Variants in KCNIP4 observed in about 807,000 individuals in gnomAD.
KCNIP4 encodes potassium voltage-gated channel interacting protein 4, also known as Kv channel-interacting protein 4.
A neutral mutation model predicts 34.0 loss-of-function variants in KCNIP4; 12 were observed. The observed-to-expected ratio is 0.35, with a 90% CI of 0.23 to 0.57. KCNIP4 has a LOEUF of 0.57. Ranked by LOEUF, KCNIP4 falls within the 20% of genes least tolerant of loss-of-function variation. The pLI, the probability that KCNIP4 is intolerant of heterozygous loss-of-function variation, is 0.83. For missense variants in KCNIP4, 238 were observed against 311.7 expected, an observed-to-expected ratio of 0.76 and a Z score of 1.78; for synonymous variants, 124 against 102.2, an observed-to-expected ratio of 1.21 and a Z score of -1.29.
At chr4:21,354,246 G>A (rs1189420886) in intron 1 of KCNIP4, among the ~76,000 whole-genome samples, 1 of 151,918 alleles carries the variant, frequency 6.6e-6, no homozygotes, top group Non-Finnish European at 1.5e-5. Flanking sequence ...TCAATTAAGG[G>A]GCAAAATAAC....
intron 1 of KCNIP4, among the ~76,000 whole-genome samples, chr4:21,748,890 A>G (rs1396251889): frequency 1.3e-5 from 2 of 152,124 alleles, no homozygotes; most frequent in African/African-American, 4.8e-5. Context: ...ATCCAATTTG[A>G]GAAAAATGGT....
intron 1 of KCNIP4, chr4:21,697,731 A>C (rs2109057937): frequency 8.8e-7 from 1 of 1,132,560 alleles, no homozygotes; most frequent in Non-Finnish European, 1.1e-6. Context: ...ACTTGTAGTA[A>C]CCCAGCTCTG....
intron 1 of KCNIP4, among the ~76,000 whole-genome samples, chr4:21,218,277 A>G (rs1346325434): frequency 6.6e-6 from 1 of 152,002 alleles, no homozygotes. Context: ...GGCCTTCCAA[A>G]GTGCTGGGAT....
intron 1 of KCNIP4, among the ~76,000 whole-genome samples, chr4:21,443,777 C>T (rs929517391): frequency 6.6e-6 from 1 of 152,078 alleles, no homozygotes; most frequent in Non-Finnish European, 1.5e-5. Flanking sequence ...CACACATACA[C>T]ACAAGATTAG....
chr4:21,015,703 TATTA>T (rs1367663211), intron 1 of KCNIP4, among the ~76,000 whole-genome samples: 1 of 133,570 alleles, frequency 7.5e-6, no homozygotes, highest in Admixed American at 8.3e-5. Context: ...TAATATAATA[TATTA>T]ATTATATATA....
chr4:21,901,277 A>G (rs1214684363), intron 1 of KCNIP4, among the ~76,000 whole-genome samples: 1 of 152,264 alleles, frequency 6.6e-6, no homozygotes, highest in East Asian at 1.9e-4. Flanking sequence ...TTGCCCAAGC[A>G]TGGTGACAAC....
At chr4:21,327,655 T>A (rs1233352547) in intron 1 of KCNIP4, among the ~76,000 whole-genome samples, 1 of 152,106 alleles carries the variant, frequency 6.6e-6, no homozygotes, top group Non-Finnish European at 1.5e-5. Flanking sequence ...TCTCTCTATA[T>A]CTCCTCTTCA....
At chr4:20,907,775 T>A (rs1727916231) in intron 1 of KCNIP4, among the ~76,000 whole-genome samples, 1 of 152,172 alleles carries the variant, frequency 6.6e-6, no homozygotes, top group South Asian at 2.1e-4. Flanking sequence ...TGGAGTGCAG[T>A]GGCGCGATCT....
chr4:21,104,587 T>A (rs1748307712), intron 1 of KCNIP4, among the ~76,000 whole-genome samples: 2 of 152,198 alleles, frequency 1.3e-5, no homozygotes, highest in South Asian at 4.1e-4. Context: ...GTGCAGAAGC[T>A]CTTTAGTTTA....
At chr4:20,916,430 A>G in intron 1 of KCNIP4, 3 of 769,228 alleles carry the variant, frequency 3.9e-6, no homozygotes, top group Non-Finnish European at 4.7e-6. Flanking sequence ...TAGAAAATAT[A>G]TGTGTGGTTT....
chr4:21,209,375 T>A (rs1757073153), intron 1 of KCNIP4, among the ~76,000 whole-genome samples: 1 of 151,982 alleles, frequency 6.6e-6, no homozygotes, highest in South Asian at 2.1e-4. Context: ...TAATTTTGTA[T>A]CCTTTAGCAA....
intron 1 of KCNIP4, among the ~76,000 whole-genome samples, chr4:21,175,679 C>T (rs1163597167): frequency 6.6e-6 from 1 of 152,142 alleles, no homozygotes; most frequent in African/African-American, 2.4e-5. Flanking sequence ...CATCTGATAA[C>T]TGAGAAGACT....
chr4:20,962,182 C>T (rs990430530), intron 1 of KCNIP4, among the ~76,000 whole-genome samples: 7 of 152,166 alleles, frequency 4.6e-5, no homozygotes, highest in African/African-American at 1.7e-4. Flanking sequence ...GAATTCTCCA[C>T]TGCTTCCAAG....
At chr4:20,749,781 A>G (rs772163502) in intron 4 of KCNIP4, 49 bp from the exon 5 acceptor site, 10 of 1,289,952 alleles carry the variant, frequency 7.8e-6, no homozygotes, top group African/African-American at 4.4e-5. Context: ...TCCATATCCT[A>G]CATAAGACTT....
chr4:21,551,177 A>G (rs1738550365), intron 1 of KCNIP4, among the ~76,000 whole-genome samples: 1 of 152,160 alleles, frequency 6.6e-6, no homozygotes, highest in Non-Finnish European at 1.5e-5. Flanking sequence ...CAGAAAATAA[A>G]TATCTTTTTA....
At chr4:21,658,564 G>T (rs1038983595) in intron 1 of KCNIP4, among the ~76,000 whole-genome samples, 4 of 151,918 alleles carry the variant, frequency 2.6e-5, no homozygotes, top group Non-Finnish European at 5.9e-5. Context: ...TACCAGGCCT[G>T]GCTAATTTTT....
At chr4:21,078,632 AC>A (rs1745722875) in intron 1 of KCNIP4, among the ~76,000 whole-genome samples, 1 of 152,024 alleles carries the variant, frequency 6.6e-6, no homozygotes, top group African/African-American at 2.4e-5. Flanking sequence ...ACGACAATTC[AC>A]CCCATAGCAT....
At chr4:21,207,405 A>T (rs996393027) in intron 1 of KCNIP4, among the ~76,000 whole-genome samples, 4 of 152,156 alleles carry the variant, frequency 2.6e-5, no homozygotes, top group Non-Finnish European at 5.9e-5. Context: ...AGAATTTCTC[A>T]TTTCTTTTTT....
intron 1 of KCNIP4, among the ~76,000 whole-genome samples, chr4:21,618,630 C>CTTTTTTT (rs58967707): frequency 5.5e-4 from 45 of 81,780 alleles, no homozygotes; most frequent in East Asian, 1.2e-3. Context: ...TTTTCTTTTT[C>CTTTTTTT]TTTTTTTTTT....
Sources: allele counts gnomAD v4.1 joint callset (sites outside exome capture counted in the v4.1 genomes callset), GRCh38; gene constraint gnomAD v4.1.1; transcripts MANE v1.5; gene names NCBI Gene and HGNC (gene_info 2026-07-23, HGNC 2026-07-21).